The following RO60 variants were observed in gnomAD, a reference collection of about 807,000 sequenced individuals.
RO60 encodes the protein Ro60, Y RNA binding protein.
RO60 carries 20 observed loss-of-function variants against 55.3 expected under a neutral mutation model. That is an observed-to-expected ratio of 0.36 (90% confidence interval 0.25 to 0.53). The LOEUF is 0.53. Ranked by LOEUF, RO60 falls within the 20% of genes least tolerant of loss-of-function variation. The pLI is 0.92. For synonymous variants in RO60, 213 were observed against 213.6 expected (o/e 1.00, Z 0.02); for missense variants, 558 against 646.6 (o/e 0.86, Z 1.49).
At chr1:193,076,752 T>G (rs752955422) in intron 4 of RO60, 105 bp downstream of exon 4, 24 of 1,354,884 alleles carry the variant, frequency 1.8e-5, no homozygotes, top group Non-Finnish European at 2.3e-5. Context: ...GAGATGTTCA[T>G]TATACCAAAT....
At chr1:193,081,684 G>A (rs1674322935) in intron 6 of RO60, among the ~76,000 whole-genome samples, 1 of 151,934 alleles carries the variant, frequency 6.6e-6, no homozygotes, top group South Asian at 2.1e-4. Context: ...AACAAGCAGA[G>A]TAGAAATTTT....
chr1:193,069,333 C>T lies in RO60; in HGVS notation c.279C>T (p.Leu93=). 1 of 1,614,236 alleles carries T rather than the reference C, an allele frequency of 6.2e-7. No homozygotes were observed. ...GAACCACAAAGCAAGAGCCTATGCT[C>T]TTTGCACTTGCCATTTGTTCCCAGT... The part of the protein sequence containing the change: ...EGRTTKQEPM[L]FALAICSQCS... The change falls in exon 2 of 9, where the codon CTC becomes CTT. Residue 93 remains leucine (L), a synonymous_variant. Coordinates refer to ENST00000400968, the MANE Select transcript of RO60 (RefSeq NM_001173524.2).
At chr1:193,076,062 G>A (rs1300630578) in intron 3 of RO60, 22 bp downstream of exon 3, 2 of 1,519,266 alleles carry the variant, frequency 1.3e-6, no homozygotes, top group Admixed American at 1.9e-5. Context: ...ATATGTTACA[G>A]CATGTGATTA....
intron 1 of RO60, among the ~76,000 whole-genome samples, chr1:193,063,245 G>GT (rs1208397343): frequency 6.6e-6 from 1 of 152,096 alleles, no homozygotes; most frequent in Non-Finnish European, 1.5e-5. Context: ...TCTTATTGTG[G>GT]TTTTGATTTG....
At chr1:193,079,130 C>G (rs897024290) in intron 5 of RO60, among the ~76,000 whole-genome samples, 1 of 149,242 alleles carries the variant, frequency 6.7e-6, no homozygotes, top group African/African-American at 2.5e-5. Context: ...CTGTGCCACC[C>G]AGTTTGGAGT....
chr1:193,074,509 A>G, intron 2 of RO60, among the ~76,000 whole-genome samples: 1 of 152,102 alleles, frequency 6.6e-6, no homozygotes. Flanking sequence ...ATGTTTTCAT[A>G]TGTCTTTTGG....
At chr1:193,067,619 G>A (rs545053617) in intron 1 of RO60, among the ~76,000 whole-genome samples, 2 of 152,244 alleles carry the variant, frequency 1.3e-5, no homozygotes, top group African/African-American at 4.8e-5. Flanking sequence ...GAAGCCCAGT[G>A]CACCGAAATA....
At chr1:193,082,994 C>T (rs1674420988) in intron 8 of RO60, among the ~76,000 whole-genome samples, 1 of 151,962 alleles carries the variant, frequency 6.6e-6, no homozygotes, top group African/African-American at 2.4e-5. Context: ...TAGGCTCAAG[C>T]GATTCTCCAG....
At chr1:193,061,290 G>A in intron 1 of RO60, among the ~76,000 whole-genome samples, 1 of 152,142 alleles carries the variant, frequency 6.6e-6, no homozygotes, top group Non-Finnish European at 1.5e-5. Flanking sequence ...TCAGATACCT[G>A]TATCATGGGT....
intron 8 of RO60, among the ~76,000 whole-genome samples, 176 bp from the exon 9 acceptor site, chr1:193,084,403 A>T (rs573280687): frequency 1.8e-4 from 28 of 152,188 alleles, no homozygotes; most frequent in Admixed American, 5.2e-4. Context: ...ATACAATTTT[A>T]TTGTCCCTTC....
At chr1:193,065,222 A>C (rs1341683353) in intron 1 of RO60, among the ~76,000 whole-genome samples, 2 of 152,228 alleles carry the variant, frequency 1.3e-5, no homozygotes, top group Non-Finnish European at 2.9e-5. Context: ...TAATTACATA[A>C]AAGCAATACA....
In RO60 at chr1:193,089,484, G is replaced by GT. The variant is rs925202910; in HGVS notation, c.*4754dup. 4 of 151,940 alleles carry GT rather than the reference G, an allele frequency of 2.6e-5. No homozygotes were observed. The highest frequency in any genetic ancestry group is 1.3e-4 in the Admixed American group (2 of 15,262). The allele number at this position is 151,940 out of a possible 1,614,324, so 9.4% of individuals were successfully genotyped here. On this transcript the variant is annotated 3_prime_UTR_variant, in exon 9 of 9. Transcript: ENST00000400968. ...GAAGTTAAAATTTAATTCTAAGGTA[G>GT]TATTTTTCATGTATAAAACTAATAA...
chr1:193,084,246 GAT>G (rs1674511346), intron 8 of RO60, among the ~76,000 whole-genome samples: 1 of 152,186 alleles, frequency 6.6e-6, no homozygotes, highest in African/African-American at 2.4e-5. Flanking sequence ...CCCAGCATTT[GAT>G]ATGTTGATAA....
chr1:193,075,322 C>G (rs1194187813), intron 2 of RO60, among the ~76,000 whole-genome samples: 1 of 143,346 alleles, frequency 7.0e-6, no homozygotes, highest in Non-Finnish European at 1.5e-5. Context: ...TAATACTTCT[C>G]AGCTATTAAA....
chr1:193,077,022 T>G lies in RO60; in HGVS notation c.1058T>G (p.Leu353Trp), dbSNP rs1673970853. ...WRPDEEILKA[L>W]DAAFYKTFKT... ...CCTGATGAAGAAATTTTGAAAGCAT[T>G]GGATGCTGCTTTTTATAAAACATTT... The change falls in exon 5 of 9, where the codon TTG (leucine) becomes TGG (tryptophan). Residue 353 changes from leucine (L) to tryptophan (W), a missense_variant. Physicochemically the swap from Leu to Trp is moderately conservative, Grantham distance 61. Coordinates refer to ENST00000400968, the MANE Select transcript of RO60 (RefSeq NM_001173524.2). 4 of 1,611,826 alleles carry G rather than the reference T, an allele frequency of 2.5e-6. No individual in the cohort carries two copies. The highest frequency in any genetic ancestry group is 3.4e-6 in the Non-Finnish European group (4 of 1,178,602).
Position 193,069,604 on chromosome 1 carries a change from A to C in RO60, c.550A>C (p.Arg184=). The change falls in exon 2 of 9, where the codon AGA becomes CGA. Residue 184 remains arginine (R), a synonymous_variant. Transcript: ENST00000400968. ...TGGCTGGTCTCACAAAGATCTATTAAGATTGTCACATCTTAAACCTTCCAG... is the reference window on the plus strand; with the variant it reads ...TGGCTGGTCTCACAAAGATCTATTACGATTGTCACATCTTAAACCTTCCAG... The part of the protein sequence containing the change: ...RNGWSHKDLL[R]LSHLKPSSEG... 2 of 1,613,570 alleles carry C rather than the reference A, an allele frequency of 1.2e-6. No individual in the cohort carries two copies. The highest frequency in any genetic ancestry group is 1.7e-6 in the Non-Finnish European group (2 of 1,179,532).
In RO60 at chr1:193,076,911, A is replaced by T. The variant is rs760460319; in HGVS notation, c.949-2A>T. 2 of 1,604,014 alleles carry T rather than the reference A, an allele frequency of 1.2e-6. No individual in the cohort carries two copies. Among genetic ancestry groups the T allele is most frequent in the South Asian group, 2.2e-5 (2 of 89,356 alleles). ...AAAATTTTCCTTATACTTTGTTTCT[A>T]GGCTCGTATACATCCATTTCATATT... On this transcript the variant is annotated splice_acceptor_variant, in intron 4 of 8. Coordinates refer to ENST00000400968, the MANE Select transcript of RO60 (RefSeq NM_001173524.2). LOFTEE classifies it high-confidence loss of function.
intron 5 of RO60, among the ~76,000 whole-genome samples, chr1:193,080,055 C>G (rs1019097564): frequency 6.6e-6 from 1 of 151,694 alleles, no homozygotes; most frequent in African/African-American, 2.4e-5. Flanking sequence ...CTCTTGAACC[C>G]AGGAGGTGGA....
intron 1 of RO60, among the ~76,000 whole-genome samples, chr1:193,068,365 A>G (rs536837952): frequency 2.9e-4 from 44 of 152,334 alleles, no homozygotes; most frequent in African/African-American, 9.9e-4. Context: ...AGTAATTTTG[A>G]TGTACATTGA....
Sources: allele counts gnomAD v4.1 joint callset (sites outside exome capture counted in the v4.1 genomes callset), GRCh38; gene constraint gnomAD v4.1.1; transcripts MANE v1.5; gene names NCBI Gene and HGNC (gene_info 2026-07-23, HGNC 2026-07-21).